BASP1: variants seen among roughly 807,000 people sequenced by gnomAD.
The protein encoded by BASP1 is brain abundant membrane attached signal protein 1.
BASP1 carries 1 observed loss-of-function variant against 2.2 expected under a neutral mutation model. That is an observed-to-expected ratio of 0.46 (90% CI 0.16 to 2.17). The LOEUF (loss-of-function observed/expected upper bound fraction) is 2.17, where lower values mean the gene tolerates loss of function less well. BASP1 is among the 30% of genes most tolerant of loss of function. BASP1 has a pLI of 0.27. For synonymous variants in BASP1, 187 were observed against 154.2 expected (o/e 1.21, Z -1.58); for missense variants, 352 against 327.2 (o/e 1.08, Z -0.58).
rs377293924 is a variant in BASP1, at chr5:17,263,200, C to T, written c.-9-12008C>T. ...TCTGAACATCAGAAGTTCTTGAGAT[C>T]ACTCTGGATGTTGACTTTTACAAAT... On this transcript the variant is annotated intron_variant, in intron 1 of 1. Transcript: ENST00000322611. Among the ~76,000 whole-genome samples the T allele has an allele frequency of 4.6e-5, 7 of 151,986 alleles. No individual in the cohort carries two copies. In the East Asian group the frequency reaches 9.7e-4, roughly 21 times the overall value.
Position 17,276,203 on chromosome 5 carries a change from G to A in BASP1, c.*303G>A, listed in dbSNP as rs1579507655. 4 of 243,940 alleles carry A rather than the reference G, an allele frequency of 1.6e-5. No individual in the cohort carries two copies. The highest frequency in any genetic ancestry group is 5.7e-5 in the Admixed American group (1 of 17,490). The allele number at this position is 243,940 out of a possible 1,614,324, so 15.1% of individuals were successfully genotyped here. A position where few individuals can be genotyped will look rare whatever the true frequency, so the allele number is the denominator to read the frequency against. ...AAGAAGTCCTGGATTTCCAAGATCCGCGTCTGAAAGTGCAGTACATCGTTT... is the reference window on the plus strand; with the variant it reads ...AAGAAGTCCTGGATTTCCAAGATCCACGTCTGAAAGTGCAGTACATCGTTT... On this transcript the variant is annotated 3_prime_UTR_variant, in exon 2 of 2. Coordinates refer to ENST00000322611, the MANE Select transcript of BASP1 (RefSeq NM_006317.5).
chr5:17,218,142 G>A (rs2126482661), intron 1 of BASP1, among the ~76,000 whole-genome samples: 1 of 152,066 alleles, frequency 6.6e-6, no homozygotes, highest in East Asian at 2.0e-4. Context: ...ATTGCCGAAT[G>A]CGAAACCCCC....
chr5:17,269,714 T>C (rs1434310772), intron 1 of BASP1, among the ~76,000 whole-genome samples: 9 of 152,230 alleles, frequency 5.9e-5, no homozygotes. Flanking sequence ...ATTAAGCTAT[T>C]TGACATATGA....
chr5:17,266,460 G>T (rs1169459500), intron 1 of BASP1, among the ~76,000 whole-genome samples: 1 of 151,800 alleles, frequency 6.6e-6, no homozygotes, highest in African/African-American at 2.4e-5. Context: ...TTGCCTTATT[G>T]TGTTTGAATT....
rs1193603866 is a variant in BASP1, at chr5:17,275,444, G to A, written c.228G>A (p.Ala76=). ...AEEKEGEKDA[A]AAKEEAPKAE... ...AGAAGGAGGGCGAGAAGGACGCGGCGGCTGCCAAGGAGGAGGCCCCGAAGG... is the reference window on the plus strand; with the variant it reads ...AGAAGGAGGGCGAGAAGGACGCGGCAGCTGCCAAGGAGGAGGCCCCGAAGG... Residue 76 remains alanine, a synonymous_variant, in exon 2 of 2, where the codon GCG becomes GCA. Transcript: ENST00000322611. The surrounding 1 kb of genome is among the most constrained non-coding windows in gnomAD (Gnocchi z 5.3). 3 of 1,523,746 alleles carry A rather than the reference G, an allele frequency of 2.0e-6. No homozygotes were observed. The highest frequency in any genetic ancestry group is 8.8e-7 in the Non-Finnish European group (1 of 1,136,956). 94.4% of individuals were successfully genotyped at this position (1,523,746 alleles called of 1,614,324 possible).
chr5:17,229,145 A>C (rs940415965), intron 1 of BASP1, among the ~76,000 whole-genome samples: 3 of 152,220 alleles, frequency 2.0e-5, no homozygotes. Flanking sequence ...GTTTGAGGAC[A>C]CTAACGTGCA....
rs550150550 is a variant in BASP1, at chr5:17,229,015, TA to T, written c.-10+11215del. Among the ~76,000 whole-genome samples, 527 of 148,890 alleles carry T rather than the reference TA, an allele frequency of 3.5e-3. 3 individuals are homozygous for T. The highest frequency in any genetic ancestry group is 5.1e-3 in the Non-Finnish European group (343 of 66,914). ...TGAGAATTCAGAGATGTATACCTAT[TA>T]AAAAAAAAACAAAACTCTTAGGATA... On this transcript the variant is annotated intron_variant, in intron 1 of 1. Transcript: ENST00000322611.
chr5:17,275,402 C>G lies in BASP1; in HGVS notation c.186C>G (p.Ala62=), dbSNP rs978993068. Residue 62 remains alanine (A), a synonymous_variant, in exon 2 of 2, where the codon GCC becomes GCG. Transcript: ENST00000322611. The surrounding 1 kb of genome is among the most constrained non-coding windows in gnomAD (Gnocchi z 5.3). ...KEGKEKPDQD[A]EGKAEEKEGE... Reference sequence around the variant, plus strand: ...GCAAGGAGAAGCCCGACCAGGACGCCGAGGGCAAGGCCGAGGAGAAGGAGG... The same window carrying G: ...GCAAGGAGAAGCCCGACCAGGACGCGGAGGGCAAGGCCGAGGAGAAGGAGG... The G allele has an allele frequency of 6.3e-7, 1 of 1,575,990 alleles. No individual in the cohort carries two copies.
chr5:17,248,999 T>G (rs757451207), intron 1 of BASP1, among the ~76,000 whole-genome samples: 6 of 152,192 alleles, frequency 3.9e-5, no homozygotes, highest in Non-Finnish European at 7.3e-5. Context: ...CAAAATTATA[T>G]ATGTGTTGCA....
intron 1 of BASP1, among the ~76,000 whole-genome samples, chr5:17,235,542 G>A (rs989451433): frequency 1.1e-4 from 16 of 152,216 alleles, no homozygotes; most frequent in Admixed American, 5.9e-4. Context: ...GATTACAGGC[G>A]TGAGCCACCA....
chr5:17,225,500 C>T (rs1739482684), intron 1 of BASP1, among the ~76,000 whole-genome samples: 1 of 152,208 alleles, frequency 6.6e-6, no homozygotes, highest in Non-Finnish European at 1.5e-5. Flanking sequence ...ACTGAAATAA[C>T]TTTCTTCATA....
At chr5:17,228,209 G>A (rs1469312632) in intron 1 of BASP1, among the ~76,000 whole-genome samples, 2 of 152,130 alleles carry the variant, frequency 1.3e-5, no homozygotes, top group Non-Finnish European at 2.9e-5. Context: ...TATTGTAACT[G>A]GATTTATTTC....
At chr5:17,239,477 A>G (rs1056077999) in intron 1 of BASP1, among the ~76,000 whole-genome samples, 3 of 152,228 alleles carry the variant, frequency 2.0e-5, no homozygotes, top group Non-Finnish European at 4.4e-5. Flanking sequence ...TACTAAACTC[A>G]GTATCTAAAT....
intron 1 of BASP1, among the ~76,000 whole-genome samples, chr5:17,261,273 T>C (rs904491688): frequency 1.3e-5 from 2 of 152,246 alleles, no homozygotes; most frequent in African/African-American, 4.8e-5. Context: ...CCTGTTTGCT[T>C]TACTTTTGCA....
chr5:17,231,915 C>T (rs956171816), intron 1 of BASP1, among the ~76,000 whole-genome samples: 5 of 152,168 alleles, frequency 3.3e-5, no homozygotes, highest in East Asian at 3.8e-4. Flanking sequence ...ATGGAGAGCA[C>T]GTGTCTTCTG....
chr5:17,266,023 C>T (rs527821400), intron 1 of BASP1, among the ~76,000 whole-genome samples: 4 of 152,264 alleles, frequency 2.6e-5, no homozygotes, highest in Admixed American at 6.5e-5. Flanking sequence ...TAACTCCAGT[C>T]GCCACAGCAG....
chr5:17,241,498 T>C (rs1739862832), intron 1 of BASP1, among the ~76,000 whole-genome samples: 1 of 152,204 alleles, frequency 6.6e-6, no homozygotes. Flanking sequence ...AAATTAATAA[T>C]AGGTTACGTA....
At chr5:17,231,337 C>G (rs2126492991) in intron 1 of BASP1, among the ~76,000 whole-genome samples, 1 of 152,206 alleles carries the variant, frequency 6.6e-6, no homozygotes, top group African/African-American at 2.4e-5. Flanking sequence ...ATGTCCATTT[C>G]CCTCTACTTG....
At chr5:17,269,524 G>A (rs746930327) in intron 1 of BASP1, among the ~76,000 whole-genome samples, 37 of 152,116 alleles carry the variant, frequency 2.4e-4, no homozygotes, top group Admixed American at 1.8e-3. Flanking sequence ...CACAGTGCTC[G>A]AATGGCACAC....
Sources: allele counts gnomAD v4.1 joint callset (sites outside exome capture counted in the v4.1 genomes callset), GRCh38; gene constraint gnomAD v4.1.1; non-coding constraint Gnocchi (gnomAD v3.1); transcripts MANE v1.5; gene names NCBI Gene and HGNC (gene_info 2026-07-23, HGNC 2026-07-21).